Variants in ARNT2 observed in about 807,000 individuals in gnomAD.
ARNT2 encodes aryl hydrocarbon receptor nuclear translocator 2, also known as ARNT protein 2.
ARNT2 carries 36 observed loss-of-function variants against 91.7 expected under a neutral mutation model. The observed-to-expected ratio is 0.39, with a 90% confidence interval of 0.30 to 0.52. The LOEUF is 0.52. Ranked by LOEUF, ARNT2 falls within the 20% of genes least tolerant of loss-of-function variation. ARNT2 has a pLI of 0.72. For synonymous variants in ARNT2, 365 were observed against 347.1 expected (o/e 1.05, Z -0.57); for missense variants, 775 against 939.3 (o/e 0.83, Z 2.29).
chr15:80,591,495 G>A lies in ARNT2; in HGVS notation c.1919-73G>A, dbSNP rs76700021. ...TTCAGAAGCGGGAGGCCCTCCAGCC[G>A]CAGTGGTTCTTAGGTCTCACAGAAC... On this transcript the variant is annotated intron_variant, in intron 17 of 18. Coordinates refer to ENST00000303329, the MANE Select transcript of ARNT2 (RefSeq NM_014862.4). The surrounding 1 kb of genome is among the most constrained non-coding windows in gnomAD (Gnocchi z 5.1). The A allele has an allele frequency of 1.2e-5, 19 of 1,584,654 alleles. No homozygotes were observed. The East Asian group carries it at 3.1e-4, about 26-fold the overall frequency.
At chr15:80,502,687 T>G (rs1346816343) in intron 5 of ARNT2, among the ~76,000 whole-genome samples, 1 of 152,100 alleles carries the variant, frequency 6.6e-6, no homozygotes, top group East Asian at 1.9e-4. Flanking sequence ...GGCAGGCTGG[T>G]TTCTACTGAG....
intron 1 of ARNT2, among the ~76,000 whole-genome samples, chr15:80,412,865 G>A (rs1393901620): frequency 6.6e-6 from 1 of 152,178 alleles, no homozygotes; most frequent in East Asian, 1.9e-4. Flanking sequence ...CAGAGGCTCA[G>A]AGAGAGGCTC....
intron 8 of ARNT2, among the ~76,000 whole-genome samples, chr15:80,518,074 C>T (rs1897470370): frequency 6.6e-6 from 1 of 151,896 alleles, no homozygotes; most frequent in Non-Finnish European, 1.5e-5. Flanking sequence ...TTGTTGAAAT[C>T]CAGACATGTT....
intron 1 of ARNT2, among the ~76,000 whole-genome samples, chr15:80,416,949 C>T (rs927370455): frequency 2.0e-5 from 3 of 152,142 alleles, no homozygotes; most frequent in African/African-American, 7.2e-5. Context: ...GGGTCCTATA[C>T]ACCATTTGCG....
chr15:80,422,965 T>C (rs1014046573), intron 1 of ARNT2, among the ~76,000 whole-genome samples: 1 of 152,206 alleles, frequency 6.6e-6, no homozygotes, highest in Admixed American at 6.5e-5. Context: ...ATAAAAATTT[T>C]AAAAAGAAAA....
At chr15:80,409,436 T>C (rs1418284551) in intron 1 of ARNT2, among the ~76,000 whole-genome samples, 1 of 152,214 alleles carries the variant, frequency 6.6e-6, no homozygotes, top group East Asian at 1.9e-4. Context: ...CGAAGAATAT[T>C]CCATTGTCTG....
intron 3 of ARNT2, among the ~76,000 whole-genome samples, chr15:80,465,191 A>G (rs938655453): frequency 1.3e-5 from 2 of 152,190 alleles, no homozygotes; most frequent in Non-Finnish European, 2.9e-5. Flanking sequence ...AGAGGTTATC[A>G]CTGTGTGCTG....
intron 15 of ARNT2, among the ~76,000 whole-genome samples, chr15:80,579,270 A>G (rs1438142971): frequency 2.0e-5 from 3 of 152,216 alleles, no homozygotes; most frequent in East Asian, 1.9e-4. Flanking sequence ...CAATACTTTC[A>G]TCAGGAAGGA....
In ARNT2 at chr15:80,536,983, T is replaced by A. The variant is rs148470354; in HGVS notation, c.878-14216T>A. ...CCTCAAGCTGGTGGCCTCAGGGTGA[T>A]GTTCAGTGTGACTGTGCCAGAGCCA... On this transcript the variant is annotated intron_variant, in intron 8 of 18. Coordinates refer to ENST00000303329, the MANE Select transcript of ARNT2 (RefSeq NM_014862.4). 2.3e-4 allele frequency among the ~76,000 whole-genome samples: 35 copies of A among 152,304 alleles called. No individual in the cohort carries two copies. In the East Asian group the frequency reaches 6.6e-3, roughly 29 times the overall value.
At chr15:80,543,094 CAAAAAAA>C (rs368917679) in intron 8 of ARNT2, among the ~76,000 whole-genome samples, 1,946 of 86,566 alleles carry the variant, frequency 0.022, 30 homozygotes, top group African/African-American at 0.066. Flanking sequence ...CAGACCCGGT[CAAAAAAA>C]AAAAAAAAAA....
chr15:80,585,435 A>G (rs1898878581), intron 17 of ARNT2, among the ~76,000 whole-genome samples: 1 of 152,222 alleles, frequency 6.6e-6, no homozygotes, highest in South Asian at 2.1e-4. Context: ...AAGGACCCTG[A>G]GGAATACAGG....
At chr15:80,525,371 T>C (rs986837697) in intron 8 of ARNT2, among the ~76,000 whole-genome samples, 3 of 152,238 alleles carry the variant, frequency 2.0e-5, no homozygotes, top group Non-Finnish European at 2.9e-5. Context: ...TTCTTGATTG[T>C]AACTACATTC....
At chr15:80,518,277 C>CTTTTTTTTTT (rs56726705) in intron 8 of ARNT2, among the ~76,000 whole-genome samples, 14 of 89,376 alleles carry the variant, frequency 1.6e-4, no homozygotes, top group South Asian at 4.2e-4. Flanking sequence ...TTTTTCTATT[C>CTTTTTTTTTT]TTTTTTTTTT....
At chr15:80,480,269 T>G (rs1229555579) in intron 5 of ARNT2, among the ~76,000 whole-genome samples, 1 of 152,084 alleles carries the variant, frequency 6.6e-6, no homozygotes, top group African/African-American at 2.4e-5. Flanking sequence ...TAGCAGAGCC[T>G]GTGACTGTAA....
intron 1 of ARNT2, among the ~76,000 whole-genome samples, chr15:80,449,668 T>A (rs2141379786): frequency 6.6e-6 from 1 of 152,228 alleles, no homozygotes; most frequent in Middle Eastern, 3.4e-3. Context: ...TCTTCAAGAG[T>A]TTTGAGTGGG....
chr15:80,471,992 T>C (rs948399168), intron 4 of ARNT2, among the ~76,000 whole-genome samples: 2 of 152,210 alleles, frequency 1.3e-5, no homozygotes, highest in Non-Finnish European at 2.9e-5. Flanking sequence ...TACTCTAAGC[T>C]TCAGTGTGCT....
At chr15:80,462,932 T>C (rs1305549534) in intron 3 of ARNT2, among the ~76,000 whole-genome samples, 2 of 152,338 alleles carry the variant, frequency 1.3e-5, no homozygotes, top group African/African-American at 2.4e-5. Flanking sequence ...TGTAGGCATT[T>C]TCCCCCCTGG....
At chr15:80,577,064 T>C in intron 15 of ARNT2, 99 bp downstream of exon 15, 5 of 1,216,634 alleles carry the variant, frequency 4.1e-6, no homozygotes, top group Non-Finnish European at 6.0e-6. Context: ...AAGCATGAGT[T>C]AGTGGTTACT....
At chr15:80,549,532 G>A (rs1350021828) in intron 8 of ARNT2, among the ~76,000 whole-genome samples, 2 of 152,024 alleles carry the variant, frequency 1.3e-5, no homozygotes, top group Admixed American at 1.3e-4. Context: ...AGAAAAATGG[G>A]AAAGAGACAG....
Sources: gnomAD v4.1 joint callset for allele counts (sites outside exome capture counted in the v4.1 genomes callset) on GRCh38, gnomAD v4.1.1 for gene constraint, Gnocchi (gnomAD v3.1) non-coding constraint, MANE v1.5 for transcripts, NCBI Gene and HGNC (gene_info 2026-07-23, HGNC 2026-07-21) for gene names.